Variants in ASPH observed in about 807,000 individuals in gnomAD.
The protein encoded by ASPH is aspartyl/asparaginyl beta-hydroxylase.
ASPH carries 100 observed loss-of-function variants against 118.4 expected under a neutral mutation model. The observed-to-expected ratio is 0.84, with a 90% CI of 0.72 to 1.00. The LOEUF is 1.00. Among genes scored for constraint, ASPH ranks in the 50% least tolerant of loss-of-function variants. The pLI, the probability that ASPH is intolerant of heterozygous loss-of-function variation, is 0.00. For synonymous variants in ASPH, 315 were observed against 325.6 expected, an observed-to-expected ratio of 0.97 and a Z score of 0.35; for missense variants, 920 against 919.5, an observed-to-expected ratio of 1.00 and a Z score of -0.01.
At chr8:61,704,287 A>C (rs1025993567) in intron 1 of ASPH, among the ~76,000 whole-genome samples, 6 of 151,068 alleles carry the variant, frequency 4.0e-5, no homozygotes, top group African/African-American at 1.2e-4. Context: ...TTTTTGACAA[A>C]GGCACCAAAA....
intron 1 of ASPH, among the ~76,000 whole-genome samples, chr8:61,706,479 GA>G (rs1836732326): frequency 2.1e-5 from 3 of 142,892 alleles, no homozygotes; most frequent in African/African-American, 7.8e-5. Context: ...AGAAGAAGAA[GA>G]AAGAAGAAAG....
intron 18 of ASPH, among the ~76,000 whole-genome samples, chr8:61,560,227 C>T (rs1829331542): frequency 6.6e-6 from 1 of 152,068 alleles, no homozygotes; most frequent in Non-Finnish European, 1.5e-5. Context: ...GCATGAAACT[C>T]CCCACTGTAA....
At chr8:61,567,526 T>C (rs1362544902) in intron 16 of ASPH, among the ~76,000 whole-genome samples, 1 of 152,286 alleles carries the variant, frequency 6.6e-6, no homozygotes, top group East Asian at 1.9e-4. Context: ...AGTTTGTTAC[T>C]AAAGACAAGA....
At chr8:61,586,068 A>G (rs7015848) in intron 14 of ASPH, among the ~76,000 whole-genome samples, 132,578 of 152,148 alleles carry the variant, frequency 0.87, 58,013 homozygotes, top group African/African-American at 0.91. Context: ...CCCTTTTGCA[A>G]CATTTGACAC....
intron 14 of ASPH, among the ~76,000 whole-genome samples, chr8:61,616,209 A>T (rs1848965509): frequency 1.3e-5 from 2 of 152,104 alleles, no homozygotes; most frequent in Non-Finnish European, 2.9e-5. Flanking sequence ...CAGCCTCTAC[A>T]CTTCCCTGGC....
chr8:61,636,208 G>T (rs528798364), intron 12 of ASPH, among the ~76,000 whole-genome samples: 1 of 152,206 alleles, frequency 6.6e-6, no homozygotes, highest in East Asian at 1.9e-4. Flanking sequence ...GGTTTGGAGG[G>T]GACAAGAACA....
At chr8:61,622,253 G>A (rs1180123748) in intron 13 of ASPH, among the ~76,000 whole-genome samples, 4 of 152,168 alleles carry the variant, frequency 2.6e-5, no homozygotes, top group South Asian at 2.1e-4. Flanking sequence ...CAGGAGAATC[G>A]CTTGAATCCG....
intron 1 of ASPH, among the ~76,000 whole-genome samples, chr8:61,686,541 G>A (rs1473004408): frequency 6.6e-6 from 1 of 152,136 alleles, no homozygotes; most frequent in Non-Finnish European, 1.5e-5. Context: ...TTTATAAACA[G>A]AAAGACTTAT....
At chr8:61,656,104 A>G (rs1359710341) in intron 3 of ASPH, 1 of 152,218 alleles carries the variant, frequency 6.6e-6, no homozygotes, top group Non-Finnish European at 1.5e-5. Flanking sequence ...AAGTAAATGC[A>G]TATAAGCTCA....
At position 61,522,349 on chromosome 8, in the gene ASPH, C is replaced by T. The variant is rs374997714; in HGVS notation, c.1900+3628G>A. 5.1e-4 allele frequency among the ~76,000 whole-genome samples: 78 copies of T among 152,248 alleles called. 1 individual carries two copies. The highest frequency in any genetic ancestry group is 1.8e-3 in the African/African-American group (73 of 41,542). On this transcript the variant is annotated intron_variant, in intron 22 of 24. Coordinates refer to ENST00000379454, the MANE Select transcript of ASPH (RefSeq NM_004318.4). ...GTGTATTTTCTCACAGTTCTGGAGG[C>T]TGAAAGTCCAAAATTAAGGTGTGGC...
At chr8:61,691,419 C>G (rs1669737791) in intron 1 of ASPH, among the ~76,000 whole-genome samples, 1 of 152,222 alleles carries the variant, frequency 6.6e-6, no homozygotes, top group African/African-American at 2.4e-5. Context: ...CTTCAAAGAT[C>G]TGTCCCACTA....
intron 17 of ASPH, among the ~76,000 whole-genome samples, chr8:61,563,535 C>T (rs184442235): frequency 4.4e-4 from 67 of 152,200 alleles, no homozygotes; most frequent in East Asian, 1.2e-3. Context: ...CTAGCATCAA[C>T]GAAAAAAGCC....
chr8:61,551,242 A>T (rs1204484466), intron 20 of ASPH, among the ~76,000 whole-genome samples: 1 of 152,158 alleles, frequency 6.6e-6, no homozygotes, highest in Non-Finnish European at 1.5e-5. Flanking sequence ...TTTTCCTCAC[A>T]ACCCATTTTC....
chr8:61,615,667 G>T (rs951855332), intron 14 of ASPH, among the ~76,000 whole-genome samples: 1 of 152,184 alleles, frequency 6.6e-6, no homozygotes, highest in African/African-American at 2.4e-5. Flanking sequence ...GTGACCATGG[G>T]CTATGGAATA....
intron 15 of ASPH, among the ~76,000 whole-genome samples, chr8:61,579,887 C>T (rs1479643118): frequency 1.5e-5 from 2 of 133,364 alleles, no homozygotes; most frequent in Non-Finnish European, 3.2e-5. Context: ...CAAAATAAAA[C>T]CTCAGCTAGC....
At chr8:61,519,368 C>T (rs577010364) in intron 22 of ASPH, among the ~76,000 whole-genome samples, 98 of 152,060 alleles carry the variant, frequency 6.4e-4, no homozygotes, top group African/African-American at 2.2e-3. Flanking sequence ...TTTCAGATTG[C>T]CACAAATCTC....
At chr8:61,644,089 T>C (rs1806655228) in intron 7 of ASPH, 88 bp from the exon 8 acceptor site, 5 of 996,488 alleles carry the variant, frequency 5.0e-6, no homozygotes, top group Non-Finnish European at 7.7e-6. Flanking sequence ...TTTCTAGTTA[T>C]GATTGAAATG....
chr8:61,575,824 C>A (rs543877699), intron 16 of ASPH, among the ~76,000 whole-genome samples: 1 of 152,204 alleles, frequency 6.6e-6, no homozygotes, highest in Non-Finnish European at 1.5e-5. Context: ...TCCAGAGCCA[C>A]GCCTCCTCGA....
Position 61,599,478 on chromosome 8 carries a change from CAA to C in ASPH, c.977-15451_977-15450del, listed in dbSNP as rs201476150. 7.7e-3 allele frequency among the ~76,000 whole-genome samples: 744 copies of C among 96,872 alleles called. 7 individuals are homozygous for C. The highest frequency in any genetic ancestry group is 0.013 in the African/African-American group (404 of 32,202). The allele number at this position is 96,872 out of a possible 152,430, so 63.6% of individuals were successfully genotyped here. ...AGAACTTAAAGTATATTAAAAAAGT[CAA>C]AAAAAAAAAAAGAAAAGAAAAACAA... On this transcript the variant is annotated intron_variant, in intron 14 of 24. Coordinates refer to ENST00000379454, the MANE Select transcript of ASPH (RefSeq NM_004318.4).
Sources: gnomAD v4.1 joint callset for allele counts (sites outside exome capture counted in the v4.1 genomes callset) on GRCh38, gnomAD v4.1.1 for gene constraint, MANE v1.5 for transcripts, NCBI Gene and HGNC (gene_info 2026-07-23, HGNC 2026-07-21) for gene names.